Variants in MYO15A observed in about 807,000 individuals in gnomAD.
MYO15A encodes the protein myosin XVA.
A neutral mutation model predicts 394.6 loss-of-function variants in MYO15A; 308 were observed. The observed-to-expected ratio is 0.78, with a 90% CI of 0.71 to 0.86. The LOEUF is 0.86. Among genes scored for constraint, MYO15A ranks in the 40% least tolerant of loss-of-function variants. The pLI is 0.00. For synonymous variants in MYO15A, 1,957 were observed against 2,003.8 expected (o/e 0.98, Z 0.62); for missense variants, 4,606 against 4,799.1 (o/e 0.96, Z 1.19).
chr17:18,129,972 C>G (rs1349219797), intron 7 of MYO15A, among the ~76,000 whole-genome samples: 1 of 152,172 alleles, frequency 6.6e-6, no homozygotes, highest in East Asian at 1.9e-4. Flanking sequence ...GTCTGCCTCC[C>G]AGGTTCAAGC....
chr17:18,175,570 A>G (rs1213022589), intron 65 of MYO15A, among the ~76,000 whole-genome samples: 2 of 151,894 alleles, frequency 1.3e-5, no homozygotes, highest in South Asian at 2.1e-4. Flanking sequence ...GGAGGGGCGT[A>G]CATGTGTAAG....
At chr17:18,159,093 G>T in intron 53 of MYO15A, 96 bp downstream of exon 53, 3 of 1,435,818 alleles carry the variant, frequency 2.1e-6, no homozygotes, top group Non-Finnish European at 2.9e-6. Context: ...TTCTCAGTGA[G>T]ACCCTCTGAT....
intron 14 of MYO15A, 29 bp downstream of exon 14, chr17:18,136,504 C>T: frequency 6.2e-7 from 1 of 1,613,812 alleles, no homozygotes; most frequent in Non-Finnish European, 8.5e-7. Context: ...CTGCCTGAGC[C>T]CCGAGGCCCA....
At position 18,144,526 on chromosome 17, in the gene MYO15A, C is replaced by T; in HGVS notation, c.6207C>T (p.Pro2069=). 3 of 1,613,432 alleles carry T rather than the reference C, an allele frequency of 1.9e-6. No homozygotes were observed. The highest frequency in any genetic ancestry group is 3.3e-5 in the Admixed American group (2 of 60,030). ...KEPAFGMLTV[P]LRTPLTQLPA... is the part of the protein sequence containing the mutation. ...CTGCCTTTGGGATGCTGACAGTGCC[C>T]CTGAGGACACCCCTCACGCAGCTGC... Residue 2069 remains proline (P), a synonymous_variant, in exon 29 of 66, where the codon CCC becomes CCT. Coordinates refer to ENST00000647165, the MANE Select transcript of MYO15A (RefSeq NM_016239.4).
chr17:18,131,603 C>T (rs1207878234), intron 10 of MYO15A, 72 bp downstream of exon 10: 12 of 1,563,626 alleles, frequency 7.7e-6, no homozygotes, highest in African/African-American at 1.4e-5. Context: ...CAGAGCCTGG[C>T]CCCTGGTAGG....
chr17:18,133,411 T>C (rs760338107), intron 12 of MYO15A, 25 bp downstream of exon 12: 3 of 1,613,456 alleles, frequency 1.9e-6, no homozygotes, highest in Non-Finnish European at 2.5e-6. Flanking sequence ...CAGCCTGCCA[T>C]GGGGCCCGCA....
chr17:18,171,004 G>T (rs1186245550), intron 62 of MYO15A, among the ~76,000 whole-genome samples: 3 of 152,242 alleles, frequency 2.0e-5, no homozygotes, highest in Non-Finnish European at 4.4e-5. Flanking sequence ...GGAGGAGGGG[G>T]TTCCCCTGGT....
At chr17:18,161,037 C>T in intron 56 of MYO15A, 1 of 575,222 alleles carries the variant, frequency 1.7e-6, no homozygotes, top group South Asian at 1.8e-5. Flanking sequence ...AGATCCCCTA[C>T]CTGTTGTGAG....
chr17:18,175,164 C>T (rs981417062), intron 65 of MYO15A, among the ~76,000 whole-genome samples: 1 of 151,198 alleles, frequency 6.6e-6, no homozygotes, highest in African/African-American at 2.4e-5. Flanking sequence ...AATGATCTTC[C>T]CACCTCAGTT....
chr17:18,142,322 C>A, intron 24 of MYO15A, 68 bp downstream of exon 24: 1 of 1,546,846 alleles, frequency 6.5e-7, no homozygotes, highest in South Asian at 1.2e-5. Context: ...CACGCCTGAA[C>A]TTAGGTGGTG....
intron 57 of MYO15A, among the ~76,000 whole-genome samples, chr17:18,161,973 C>CA (rs2046783553): frequency 6.6e-6 from 1 of 152,136 alleles, no homozygotes; most frequent in African/African-American, 2.4e-5. Context: ...CCCCTGTAGT[C>CA]ACCATGGCAG....
rs191064183 is a variant in MYO15A at position 18,137,399 on chromosome 17, C to T, written c.4780-185C>T. ...GCCCCAGAGCCTTGGCCTTCAGGCA[C>T]TGCCTGTGCTGTCAGGACAGAGCCT... On this transcript the variant is annotated intron_variant, in intron 15 of 65. Transcript: ENST00000647165. Among the ~76,000 whole-genome samples, 151 of 152,324 alleles carry T rather than the reference C, an allele frequency of 9.9e-4. 1 individual carries two copies. In the Middle Eastern group the frequency reaches 0.01, roughly 10 times the overall value.
chr17:18,158,624 T>C lies in MYO15A; in HGVS notation c.9069T>C (p.Pro3023=). Residue 3023 remains proline (P), a synonymous_variant, in exon 52 of 66, where the codon CCT becomes CCC. Transcript: ENST00000647165. ...TTGCCCAGAAGTATTTCCGAGACCC[T>C]CAGAGGAGACCCCAGTGAGTGGCGG... ...LEFAQKYFRD[P]QRRPQDGLRL... The C allele has an allele frequency of 6.2e-7, 1 of 1,614,080 alleles. No individual in the cohort carries two copies. Among genetic ancestry groups the C allele is most frequent in the Non-Finnish European group, 8.5e-7 (1 of 1,179,980 alleles).
chr17:18,166,479 C>G lies in MYO15A; in HGVS notation c.9906C>G (p.Leu3302=). ...WFRRVLWDQP[L]KFENELYVTM... ...GGCGTGTGCTCTGGGATCAGCCACT[C>G]AAGTTCGAGAATGAGCTATATGTGA... The change falls in exon 61 of 66, where the codon CTC becomes CTG. Residue 3302 remains leucine, a synonymous_variant. Transcript: ENST00000647165. The G allele has an allele frequency of 6.2e-7, 1 of 1,613,974 alleles. No homozygotes were observed. Among genetic ancestry groups the G allele is most frequent in the Non-Finnish European group, 8.5e-7 (1 of 1,180,046 alleles).
rs528126716 is a variant in MYO15A at position 18,178,485 on chromosome 17, C to G, written c.10492-284C>G. ...CCTTACAGATGAGGCCACTGAGGCT[C>G]AGAGAGGTGAAGCGATAGACCCTGG... On this transcript the variant is annotated intron_variant, in intron 65 of 65. Coordinates refer to ENST00000647165, the MANE Select transcript of MYO15A (RefSeq NM_016239.4). The G allele has an allele frequency of 1.4e-5, 8 of 557,830 alleles. No individual in the cohort carries two copies. In the African/African-American group the frequency reaches 1.5e-4, roughly 10 times the overall value. 34.6% of individuals were successfully genotyped at this position (557,830 alleles called of 1,614,324 possible). A position where few individuals can be genotyped will look rare whatever the true frequency, so the allele number is the denominator to read the frequency against.
At chr17:18,127,224 A>C in intron 7 of MYO15A, 59 bp downstream of exon 7, 620 of 1,574,722 alleles carry the variant, frequency 3.9e-4, no homozygotes, top group Non-Finnish European at 4.9e-4. Flanking sequence ...AGCACACCTC[A>C]TGTACTCCCG....
chr17:18,167,677 G>A lies in MYO15A; in HGVS notation c.10036G>A (p.Ala3346Thr), dbSNP rs748942927. The change falls in exon 62 of 66, where the codon GCT becomes ACT. Residue 3346 changes from alanine to threonine, a missense_variant. By Grantham distance (58) the Ala-to-Thr change is moderately conservative (BLOSUM62 0). Around this residue, in one of 2 missense-constraint regions of MYO15A, gnomAD observed 2,776 missense variants for 3,109.3 expected, o/e 0.89. Coordinates refer to ENST00000647165, the MANE Select transcript of MYO15A (RefSeq NM_016239.4). ...EQLLQQVSKLASLQHRAKDHF... is the reference protein window; with the variant it reads ...EQLLQQVSKLTSLQHRAKDHF... Reference sequence around the variant, plus strand: ...GCTGCTGCAGCAGGTGTCCAAGCTGGCTTCACTGCAGCATCGCGCCAAGGA... The same window carrying A: ...GCTGCTGCAGCAGGTGTCCAAGCTGACTTCACTGCAGCATCGCGCCAAGGA... The A allele has an allele frequency of 1.6e-5, 26 of 1,604,360 alleles. No homozygotes were observed. Among genetic ancestry groups the A allele is most frequent in the Non-Finnish European group, 1.9e-5 (23 of 1,179,980 alleles).
Position 18,146,059 on chromosome 17 carries a change from G to A in MYO15A, c.6461G>A (p.Cys2154Tyr). Reference protein sequence around the residue: ...AERGWLLLAACLSGFAPSPCF... With the variant: ...AERGWLLLAAYLSGFAPSPCF... ...CGGGGCTGGCTGCTGCTGGCCGCCT[G>A]CCTCAGTGGCTTTGCACCTTCCCCG... The change falls in exon 30 of 66, where the codon TGC (cysteine) becomes TAC (tyrosine). Residue 2154 changes from cysteine (C) to tyrosine (Y), a missense_variant. By Grantham distance (194) the Cys-to-Tyr change is radical. Around this residue, in one of 2 missense-constraint regions of MYO15A, gnomAD observed 2,776 missense variants for 3,109.3 expected, o/e 0.89. Transcript: ENST00000647165. 1 of 1,613,904 alleles carries A rather than the reference G, an allele frequency of 6.2e-7. No homozygotes were observed. Among genetic ancestry groups the A allele is most frequent in the Non-Finnish European group, 8.5e-7 (1 of 1,180,032 alleles).
intron 60 of MYO15A, 133 bp downstream of exon 60, chr17:18,163,971 TG>T: frequency 1.2e-6 from 1 of 855,036 alleles, no homozygotes; most frequent in Non-Finnish European, 1.9e-6. Context: ...GACCCCCATG[TG>T]GAAGGATCTC....
Sources: allele counts gnomAD v4.1 joint callset (sites outside exome capture counted in the v4.1 genomes callset), GRCh38; gene constraint gnomAD v4.1.1; regional missense constraint gnomAD v4.1.1; transcripts MANE v1.5; gene names NCBI Gene and HGNC (gene_info 2026-07-23, HGNC 2026-07-21).